The following TM9SF3 variants were observed in gnomAD, a reference collection of about 807,000 sequenced individuals.
TM9SF3 encodes the protein transmembrane 9 superfamily member 3, also known as SM-11044-binding protein.
Under a neutral mutation model 78.6 loss-of-function variants are expected in TM9SF3, and 14 were observed. The observed-to-expected ratio is 0.18, with a 90% CI of 0.12 to 0.28. The LOEUF is 0.28. TM9SF3 is among the 10% of genes least tolerant of loss of function. TM9SF3 has a pLI of 1.00. For synonymous variants in TM9SF3, 231 were observed against 241.7 expected (o/e 0.96, Z 0.41); for missense variants, 496 against 721.9 (o/e 0.69, Z 3.59).
intron 7 of TM9SF3, among the ~76,000 whole-genome samples, chr10:96,550,612 G>C (rs979273523): frequency 6.6e-6 from 1 of 152,180 alleles, no homozygotes; most frequent in South Asian, 2.1e-4. Context: ...ATAGGGACCT[G>C]AGATCTTCTG....
intron 6 of TM9SF3, among the ~76,000 whole-genome samples, chr10:96,551,622 T>C (rs1420725356): frequency 2.0e-5 from 3 of 152,218 alleles, no homozygotes; most frequent in African/African-American, 7.2e-5. Flanking sequence ...TGACTTCTGG[T>C]TGTGCTCAGA....
intron 5 of TM9SF3, among the ~76,000 whole-genome samples, chr10:96,556,945 C>T (rs1022399249): frequency 6.6e-5 from 10 of 152,120 alleles, no homozygotes; most frequent in African/African-American, 2.4e-4. Context: ...CTCTATCCTC[C>T]ATGATACACT....
intron 9 of TM9SF3, among the ~76,000 whole-genome samples, chr10:96,540,765 CTTTCTTTTTTTT>C (rs1848018004): frequency 9.5e-6 from 1 of 105,716 alleles, no homozygotes; most frequent in Non-Finnish European, 1.9e-5. Flanking sequence ...TTTATATTAC[CTTTCTTTTTTTT>C]TTTTTTTTTT....
chr10:96,576,522 TA>T, intron 2 of TM9SF3, 111 bp downstream of exon 2: 1 of 1,022,362 alleles, frequency 9.8e-7, no homozygotes, highest in Non-Finnish European at 1.4e-6. Flanking sequence ...AACATGTACA[TA>T]ACAGCTCCAT....
At chr10:96,537,067 G>C (rs1177610256) in intron 9 of TM9SF3, among the ~76,000 whole-genome samples, 1 of 152,182 alleles carries the variant, frequency 6.6e-6, no homozygotes, top group Non-Finnish European at 1.5e-5. Flanking sequence ...GAGGCTTCCA[G>C]TCAACAGCAG....
At chr10:96,527,367 C>T (rs1847850789) in intron 13 of TM9SF3, 46 bp downstream of exon 13, 2 of 1,588,784 alleles carry the variant, frequency 1.3e-6, no homozygotes, top group Non-Finnish European at 1.7e-6. Context: ...ATTTAAAGGA[C>T]AAATTTAGTT....
At chr10:96,537,267 T>C (rs543005179) in intron 9 of TM9SF3, among the ~76,000 whole-genome samples, 117 of 152,354 alleles carry the variant, frequency 7.7e-4, no homozygotes, top group African/African-American at 2.7e-3. Context: ...GTATTTTTAC[T>C]ATACCTTTTC....
intron 5 of TM9SF3, among the ~76,000 whole-genome samples, chr10:96,555,068 G>T: frequency 6.8e-6 from 1 of 146,628 alleles, no homozygotes. Flanking sequence ...AATTTATCCT[G>T]TAAAAAGCTA....
chr10:96,538,371 A>G (rs981127257), intron 9 of TM9SF3, among the ~76,000 whole-genome samples: 1 of 152,200 alleles, frequency 6.6e-6, no homozygotes, highest in Non-Finnish European at 1.5e-5. Context: ...CATACTATAT[A>G]TAAAATTGGC....
intron 9 of TM9SF3, among the ~76,000 whole-genome samples, chr10:96,534,044 T>C (rs1180348072): frequency 1.3e-5 from 2 of 151,932 alleles, no homozygotes; most frequent in African/African-American, 4.8e-5. Context: ...AAATAGAAAG[T>C]AAAAGTGAGA....
chr10:96,561,810 C>A (rs755987208), intron 4 of TM9SF3, among the ~76,000 whole-genome samples, 168 bp downstream of exon 4: 1 of 152,210 alleles, frequency 6.6e-6, no homozygotes. Context: ...CAAATCCTCT[C>A]TTTGCTTTCA....
At chr10:96,583,412 T>A (rs1485966485) in intron 1 of TM9SF3, among the ~76,000 whole-genome samples, 1 of 152,168 alleles carries the variant, frequency 6.6e-6, no homozygotes, top group Non-Finnish European at 1.5e-5. Flanking sequence ...AACCCAAAGA[T>A]CTCAGAAACA....
intron 2 of TM9SF3, among the ~76,000 whole-genome samples, chr10:96,574,925 G>A (rs553095629): frequency 5.3e-5 from 8 of 152,282 alleles, no homozygotes; most frequent in Middle Eastern, 3.4e-3. Flanking sequence ...CCCTGTCAGG[G>A]GGTGGGGGGC....
intron 1 of TM9SF3, among the ~76,000 whole-genome samples, chr10:96,581,044 A>G (rs1043742520): frequency 1.3e-5 from 2 of 152,200 alleles, no homozygotes; most frequent in African/African-American, 4.8e-5. Flanking sequence ...AACTAAAGAC[A>G]GTCCTGAACA....
chr10:96,586,962 GC>G lies in TM9SF3; in HGVS notation c.-128del. 1.4e-6 allele frequency: 1 copy of G among 735,840 alleles called. No individual in the cohort carries two copies. Among genetic ancestry groups the G allele is most frequent in the Non-Finnish European group, 1.8e-6 (1 of 567,886 alleles). The allele number at this position is 735,840 out of a possible 1,614,324, so 45.6% of individuals were successfully genotyped here. On this transcript the variant is annotated 5_prime_UTR_variant, in exon 1 of 15. Transcript: ENST00000371142. Reference sequence around the variant, plus strand: ...GGCGCGGACAGACGCACGGGGCCCGGCCCAGCCGCTGCCTCCTCTGCCGCCG... The same window carrying G: ...GGCGCGGACAGACGCACGGGGCCCGGCCAGCCGCTGCCTCCTCTGCCGCCG...
Position 96,527,218 on chromosome 10 carries a change from A to G in TM9SF3, c.1697T>C (p.Met566Thr), listed in dbSNP as rs1341975301. 2 of 1,608,314 alleles carry G rather than the reference A, an allele frequency of 1.2e-6. No individual in the cohort carries two copies. Among genetic ancestry groups the G allele is most frequent in the South Asian group, 1.1e-5 (1 of 90,316 alleles). ...CAAAGAATTTCAAAACTTACCACAC[A>G]TTATCCCCAAGGCTGTGCTAAATAC... ...MAVFSTALGI[M>T]CGAIGYMGTS... The change falls in exon 14 of 15, where the codon ATG becomes ACG. Residue 566 changes from methionine to threonine, a missense_variant. Met to Thr is a moderately conservative substitution (Grantham distance 81). Around this residue, in one of 4 missense-constraint regions of TM9SF3, gnomAD observed 280 missense variants for 422.6 expected, o/e 0.66. Transcript: ENST00000371142.
chr10:96,564,750 T>C (rs535978418), intron 3 of TM9SF3, among the ~76,000 whole-genome samples: 173 of 152,338 alleles, frequency 1.1e-3, no homozygotes, highest in African/African-American at 4.1e-3. Context: ...CTTTGCATTA[T>C]AAATAATTTA....
intron 10 of TM9SF3, among the ~76,000 whole-genome samples, chr10:96,532,213 A>G (rs1262995377): frequency 6.6e-6 from 1 of 151,462 alleles, no homozygotes; most frequent in Non-Finnish European, 1.5e-5. Flanking sequence ...TCATCTCAAA[A>G]ATAATAATAA....
At chr10:96,585,629 G>A (rs1045789027) in intron 1 of TM9SF3, among the ~76,000 whole-genome samples, 2 of 152,208 alleles carry the variant, frequency 1.3e-5, no homozygotes, top group African/African-American at 4.8e-5. Context: ...CAAGGATCCA[G>A]CGAAAAGTTT....
Sources: gnomAD v4.1 joint callset for allele counts (sites outside exome capture counted in the v4.1 genomes callset) on GRCh38, gnomAD v4.1.1 for gene constraint, gnomAD v4.1.1 regional missense constraint, MANE v1.5 for transcripts, NCBI Gene and HGNC (gene_info 2026-07-23, HGNC 2026-07-21) for gene names.